GABRG2: variants seen among roughly 807,000 people sequenced by gnomAD.
GABRG2 encodes gamma-aminobutyric acid type A receptor subunit gamma2.
A neutral mutation model predicts 56.4 loss-of-function variants in GABRG2; 16 were observed. The ratio of observed to expected loss-of-function variants is 0.28; its 90% CI spans 0.19 to 0.43. The LOEUF is 0.43. GABRG2 is among the 20% of genes least tolerant of loss of function. The pLI is 1.00. For synonymous variants in GABRG2, 208 were observed against 205.5 expected (o/e 1.01, Z -0.10); for missense variants, 327 against 582.7 (o/e 0.56, Z 4.52).
intron 1 of GABRG2, among the ~76,000 whole-genome samples, chr5:162,068,758 CAG>C (rs1226811802): frequency 6.6e-6 from 1 of 152,110 alleles, no homozygotes; most frequent in Admixed American, 6.6e-5. Flanking sequence ...TAAATATACT[CAG>C]GGCATCCACA....
chr5:162,153,490 C>A lies in GABRG2; in HGVS notation c.*122C>A. 2 of 1,207,662 alleles carry A rather than the reference C, an allele frequency of 1.7e-6. No homozygotes were observed. The highest frequency in any genetic ancestry group is 2.4e-6 in the Non-Finnish European group (2 of 820,888). 74.8% of individuals were successfully genotyped at this position (1,207,662 alleles called of 1,614,324 possible). On this transcript the variant is annotated 3_prime_UTR_variant, in exon 10 of 10. Coordinates refer to ENST00000639213, the MANE Select transcript of GABRG2 (RefSeq NM_198904.4). ...AATGATCTGAATCTGTTTCTATGTC[C>A]AAACCTGGTAAATTTTATAATGTCA...
chr5:162,132,786 A>C (rs1023321210), intron 6 of GABRG2, among the ~76,000 whole-genome samples: 8 of 152,082 alleles, frequency 5.3e-5, no homozygotes, highest in Non-Finnish European at 8.8e-5. Context: ...TAAGAATGGA[A>C]TATGAATTCA....
At chr5:162,123,771 T>C (rs958458540) in intron 6 of GABRG2, among the ~76,000 whole-genome samples, 22 of 152,018 alleles carry the variant, frequency 1.4e-4, no homozygotes, top group African/African-American at 4.6e-4. Context: ...AGTTAAGAAA[T>C]GTACCAGTGG....
intron 1 of GABRG2, among the ~76,000 whole-genome samples, chr5:162,092,643 G>A (rs956185942): frequency 1.3e-5 from 2 of 152,084 alleles, no homozygotes; most frequent in Admixed American, 6.6e-5. Context: ...TGATGACCGA[G>A]TATGAATGAA....
At chr5:162,147,259 C>G (rs138552278) in intron 7 of GABRG2, among the ~76,000 whole-genome samples, 1,867 of 150,346 alleles carry the variant, frequency 0.012, 24 homozygotes, top group Non-Finnish European at 0.021. Context: ...TTATTTCTTT[C>G]TTTCATTCTT....
At chr5:162,102,816 T>C (rs758955841) in intron 5 of GABRG2, 1 of 251,826 alleles carries the variant, frequency 4.0e-6, no homozygotes, top group Non-Finnish European at 8.1e-6. Context: ...CCATCCCTTC[T>C]AGGGACTCTC....
chr5:162,122,908 C>T (rs1402452945), intron 6 of GABRG2, among the ~76,000 whole-genome samples: 5 of 151,464 alleles, frequency 3.3e-5, no homozygotes, highest in African/African-American at 1.2e-4. Context: ...ATTAAAATTA[C>T]CTTATTTTGT....
intron 1 of GABRG2, among the ~76,000 whole-genome samples, chr5:162,076,671 G>C (rs764338214): frequency 1.3e-5 from 2 of 152,112 alleles, no homozygotes; most frequent in Non-Finnish European, 2.9e-5. Context: ...TCATTATTCA[G>C]AGCAAACTCA....
intron 6 of GABRG2, among the ~76,000 whole-genome samples, chr5:162,136,366 T>C (rs898662266): frequency 2.0e-5 from 3 of 152,092 alleles, no homozygotes; most frequent in African/African-American, 7.2e-5. Flanking sequence ...GCACTTGAAA[T>C]GTGGTTTGTG....
intron 5 of GABRG2, chr5:162,102,383 C>T: frequency 2.5e-6 from 1 of 401,554 alleles, no homozygotes; most frequent in South Asian, 1.9e-5. Flanking sequence ...AATTCAAGAA[C>T]TGTTGATTTC....
chr5:162,108,569 A>C (rs902223782), intron 6 of GABRG2, among the ~76,000 whole-genome samples: 8 of 152,160 alleles, frequency 5.3e-5, no homozygotes, highest in Non-Finnish European at 1.2e-4. Flanking sequence ...AAACAACTTG[A>C]AGCGATTTTT....
At chr5:162,076,306 A>C (rs1246677691) in intron 1 of GABRG2, among the ~76,000 whole-genome samples, 1 of 152,112 alleles carries the variant, frequency 6.6e-6, no homozygotes, top group Non-Finnish European at 1.5e-5. Context: ...TTATCCCCTG[A>C]TATATCACCA....
intron 6 of GABRG2, among the ~76,000 whole-genome samples, chr5:162,135,881 A>AAAAACAAAAC (rs60627503): frequency 2.0e-5 from 3 of 152,042 alleles, no homozygotes; most frequent in African/African-American, 7.3e-5. Flanking sequence ...ATAGTGAGGG[A>AAAAACAAAAC]AAAACAAAAC....
intron 6 of GABRG2, among the ~76,000 whole-genome samples, chr5:162,119,411 A>G (rs907841997): frequency 6.6e-5 from 10 of 152,152 alleles, no homozygotes; most frequent in African/African-American, 2.4e-4. Context: ...TTATTTGTTG[A>G]AAACTACTGT....
intron 1 of GABRG2, among the ~76,000 whole-genome samples, chr5:162,071,871 G>T (rs756944568): frequency 6.6e-6 from 1 of 151,254 alleles, no homozygotes; most frequent in Non-Finnish European, 1.5e-5. Flanking sequence ...GAATGGTAGG[G>T]ACTCTACCTT....
At chr5:162,100,384 G>C (rs1277064881) in intron 4 of GABRG2, 3 of 152,034 alleles carry the variant, frequency 2.0e-5, no homozygotes, top group African/African-American at 7.2e-5. Flanking sequence ...CAATGTAAGA[G>C]ATATAGCTAA....
At chr5:162,142,806 G>A (rs912841678) in intron 7 of GABRG2, 3 of 242,728 alleles carry the variant, frequency 1.2e-5, no homozygotes, top group African/African-American at 2.3e-5. Context: ...GTTAAATGAC[G>A]AGTTAATGGG....
intron 1 of GABRG2, among the ~76,000 whole-genome samples, chr5:162,068,608 GGTCA>G (rs1331687723): frequency 6.6e-6 from 1 of 152,056 alleles, no homozygotes; most frequent in Non-Finnish European, 1.5e-5. Flanking sequence ...GCATTCTTAA[GGTCA>G]GTCAGCCAGG....
chr5:162,132,303 G>A (rs944859739), intron 6 of GABRG2, among the ~76,000 whole-genome samples: 10 of 152,006 alleles, frequency 6.6e-5, no homozygotes, highest in Admixed American at 2.6e-4. Flanking sequence ...CTCCAGAGTA[G>A]ATGGAAAAAG....
Sources: gnomAD v4.1 joint callset for allele counts (sites outside exome capture counted in the v4.1 genomes callset) on GRCh38, gnomAD v4.1.1 for gene constraint, MANE v1.5 for transcripts, NCBI Gene and HGNC (gene_info 2026-07-23, HGNC 2026-07-21) for gene names.